MYO18B: variants seen among roughly 807,000 people sequenced by gnomAD.
MYO18B encodes myosin XVIIIB, also known as unconventional myosin-XVIIIb.
In MYO18B, 204 loss-of-function variants were observed where a neutral mutation model predicts 273.0. That is an observed-to-expected ratio of 0.75 (90% CI 0.67 to 0.84). The LOEUF (loss-of-function observed/expected upper bound fraction) is 0.84. MYO18B is among the 40% of genes least tolerant of loss of function. The probability of loss-of-function intolerance (pLI) is 0.00; values close to 1 mark genes in which losing one functional copy is unlikely to be tolerated. For synonymous variants in MYO18B, 1,330 were observed against 1,305.7 expected (o/e 1.02, Z -0.40); for missense variants, 3,212 against 3,287.6 (o/e 0.98, Z 0.56).
At chr22:25,768,086 T>C in intron 3 of MYO18B, 29 bp from the exon 4 acceptor site, 1 of 1,541,482 alleles carries the variant, frequency 6.5e-7, no homozygotes, top group Non-Finnish European at 8.8e-7. Flanking sequence ...CAAGCAGCTA[T>C]GTAGGCATGG....
chr22:25,748,523 C>A (rs529116081), intron 1 of MYO18B, among the ~76,000 whole-genome samples: 4 of 152,274 alleles, frequency 2.6e-5, no homozygotes, highest in Admixed American at 1.3e-4. Context: ...CATTGACTGT[C>A]TATCCTGGAA....
intron 21 of MYO18B, among the ~76,000 whole-genome samples, chr22:25,856,867 G>A (rs1172756895): frequency 2.0e-5 from 3 of 152,180 alleles, no homozygotes; most frequent in Non-Finnish European, 2.9e-5. Flanking sequence ...CAGCAGGGGC[G>A]TGGCATAGCA....
chr22:25,861,016 G>A (rs114998866), intron 21 of MYO18B, among the ~76,000 whole-genome samples: 1,787 of 151,974 alleles, frequency 0.012, 29 homozygotes, highest in African/African-American at 0.041. Context: ...AGCCCCCTGC[G>A]TTGCTCAGAC....
At chr22:25,932,470 A>G (rs1228592463) in intron 34 of MYO18B, among the ~76,000 whole-genome samples, 1 of 65,640 alleles carries the variant, frequency 1.5e-5, no homozygotes, top group South Asian at 3.6e-4. Context: ...GTGCAGTGGC[A>G]TGATCTCAGC....
At chr22:25,851,645 T>A in intron 21 of MYO18B, 66 bp downstream of exon 21, 1 of 1,210,444 alleles carries the variant, frequency 8.3e-7, no homozygotes, top group Non-Finnish European at 1.2e-6. Flanking sequence ...TTGGACATGT[T>A]CCAAGGCTGG....
rs151046064 is a variant in MYO18B at position 25,845,033 on chromosome 22, CTT to C, written c.3369-1064_3369-1063del. Among the ~76,000 whole-genome samples, 1,374 of 152,298 alleles carry C rather than the reference CTT, an allele frequency of 9.0e-3. 44 individuals carry two copies. In the East Asian group the frequency reaches 0.11, roughly 12 times the overall value. ...AGATGTTCAGATTCCGTTTTTCCCT[CTT>C]TTAAGCTACATGACCTGGACCTCAG... On this transcript the variant is annotated intron_variant, in intron 18 of 43. Coordinates refer to ENST00000335473, the MANE Select transcript of MYO18B (RefSeq NM_032608.7).
chr22:26,021,882 T>C (rs1935848740), intron 42 of MYO18B, among the ~76,000 whole-genome samples: 1 of 152,214 alleles, frequency 6.6e-6, no homozygotes, highest in South Asian at 2.1e-4. Flanking sequence ...TGGCGCACAG[T>C]AGGTATCTAG....
intron 20 of MYO18B, among the ~76,000 whole-genome samples, chr22:25,848,517 G>A (rs2090326422): frequency 6.6e-6 from 1 of 152,210 alleles, no homozygotes; most frequent in African/African-American, 2.4e-5. Flanking sequence ...AGAGGCTGAG[G>A]CATCCACCAG....
intron 12 of MYO18B, among the ~76,000 whole-genome samples, chr22:25,800,974 A>G (rs1408860555): frequency 1.3e-5 from 2 of 152,252 alleles, no homozygotes; most frequent in Non-Finnish European, 2.9e-5. Context: ...TCTGCCTGGG[A>G]GGCCTGCCCG....
intron 17 of MYO18B, among the ~76,000 whole-genome samples, chr22:25,841,789 C>A (rs923951994): frequency 6.6e-6 from 1 of 152,204 alleles, no homozygotes; most frequent in Non-Finnish European, 1.5e-5. Flanking sequence ...AATGAGTCAA[C>A]CAGTCCCTGC....
chr22:25,786,333 G>T (rs2087387427), intron 11 of MYO18B, among the ~76,000 whole-genome samples: 1 of 152,184 alleles, frequency 6.6e-6, no homozygotes, highest in Non-Finnish European at 1.5e-5. Flanking sequence ...GACTTTGCCA[G>T]GGAAGACTTC....
chr22:25,773,099 G>A (rs865866048), intron 7 of MYO18B, among the ~76,000 whole-genome samples: 25 of 152,250 alleles, frequency 1.6e-4, no homozygotes, highest in Middle Eastern at 6.8e-3. Context: ...GTTGAGATGG[G>A]CAAGAGCAAA....
chr22:25,809,998 T>TAA (rs200815599), intron 12 of MYO18B, among the ~76,000 whole-genome samples: 3,205 of 139,932 alleles, frequency 0.023, 122 homozygotes, highest in African/African-American at 0.075. Flanking sequence ...ATAGAAAGTT[T>TAA]AAAAAAAAAA....
At chr22:26,005,742 A>G (rs1400662529) in intron 42 of MYO18B, among the ~76,000 whole-genome samples, 2 of 152,200 alleles carry the variant, frequency 1.3e-5, no homozygotes, top group Non-Finnish European at 2.9e-5. Flanking sequence ...GCAAACCCAG[A>G]CAACCGCTTC....
chr22:25,985,072 C>A (rs909382963), intron 39 of MYO18B, among the ~76,000 whole-genome samples: 1 of 152,132 alleles, frequency 6.6e-6, no homozygotes, highest in Non-Finnish European at 1.5e-5. Flanking sequence ...GAATTTGGGA[C>A]CTTTGATGAG....
intron 39 of MYO18B, among the ~76,000 whole-genome samples, chr22:25,980,543 C>T (rs541792069): frequency 2.4e-4 from 37 of 152,160 alleles, no homozygotes; most frequent in African/African-American, 8.7e-4. Flanking sequence ...TTTACCTGAG[C>T]GTGAGTCAAA....
chr22:25,797,914 C>T (rs770223337), intron 11 of MYO18B, 39 bp from the exon 12 acceptor site: 13 of 1,613,742 alleles, frequency 8.1e-6, no homozygotes, highest in African/African-American at 5.3e-5. Flanking sequence ...TTCTCCATCG[C>T]GATGGCCTTG....
At chr22:25,832,766 T>C (rs2089756785) in intron 15 of MYO18B, 151 bp from the exon 16 acceptor site, 1 of 611,824 alleles carries the variant, frequency 1.6e-6, no homozygotes, top group Non-Finnish European at 2.9e-6. Flanking sequence ...GTAAATTTTC[T>C]GCTATGTATC....
intron 42 of MYO18B, among the ~76,000 whole-genome samples, chr22:26,017,041 CTT>C (rs1935396164): frequency 1.9e-5 from 1 of 53,176 alleles, no homozygotes; most frequent in Non-Finnish European, 5.2e-5. Context: ...TCCTTCCTTC[CTT>C]CCTTCCTTCC....
Sources: allele counts gnomAD v4.1 joint callset (sites outside exome capture counted in the v4.1 genomes callset), GRCh38; gene constraint gnomAD v4.1.1; transcripts MANE v1.5; gene names NCBI Gene and HGNC (gene_info 2026-07-23, HGNC 2026-07-21).